The following CCDC30 variants were observed in gnomAD, a reference collection of about 807,000 sequenced individuals.
CCDC30 encodes the protein coiled-coil domain containing 30.
Under a neutral mutation model 100.2 loss-of-function variants are expected in CCDC30, and 70 were observed. That is an observed-to-expected ratio of 0.70 (90% CI 0.58 to 0.85). The LOEUF (loss-of-function observed/expected upper bound fraction) is 0.85. Among genes scored for constraint, CCDC30 ranks in the 40% least tolerant of loss-of-function variants. The pLI is 0.00. For missense variants in CCDC30, 652 were observed against 771.2 expected, an observed-to-expected ratio of 0.85 and a Z score of 1.83; for synonymous variants, 233 against 269.5, an observed-to-expected ratio of 0.86 and a Z score of 1.33.
intron 6 of CCDC30, among the ~76,000 whole-genome samples, chr1:42,554,981 C>T (rs181336359): frequency 6.6e-6 from 1 of 152,254 alleles, no homozygotes; most frequent in Admixed American, 6.5e-5. Context: ...ACATGTTGGT[C>T]TACCATCCAC....
chr1:42,603,835 A>G (rs766510562), intron 10 of CCDC30, among the ~76,000 whole-genome samples: 1 of 152,246 alleles, frequency 6.6e-6, no homozygotes. Context: ...ACAGATGTTT[A>G]TAGCATCTTT....
chr1:42,581,215 A>T (rs1645958980), intron 8 of CCDC30, 145 bp from the exon 13 acceptor site: 9 of 638,402 alleles, frequency 1.4e-5, no homozygotes, highest in Non-Finnish European at 2.5e-5. Context: ...AATTTATTTT[A>T]AAATTAAATC....
At chr1:42,630,662 G>A (rs185071617) in intron 11 of CCDC30, among the ~76,000 whole-genome samples, 363 of 152,180 alleles carry the variant, frequency 2.4e-3, no homozygotes, top group Non-Finnish European at 3.7e-3. Flanking sequence ...GATTACAGGC[G>A]TGAGCCACCG....
At chr1:42,574,933 G>A (rs1208370942) in intron 7 of CCDC30, among the ~76,000 whole-genome samples, 6 of 152,070 alleles carry the variant, frequency 3.9e-5, no homozygotes, top group Admixed American at 3.9e-4. Flanking sequence ...CTCTATTCTT[G>A]AGGCTTTAAT....
At chr1:42,630,882 T>C (rs1218500454) in intron 11 of CCDC30, among the ~76,000 whole-genome samples, 1 of 152,196 alleles carries the variant, frequency 6.6e-6, no homozygotes, top group Non-Finnish European at 1.5e-5. Context: ...GTATTATCTT[T>C]AATTTCTTTG....
intron 11 of CCDC30, among the ~76,000 whole-genome samples, chr1:42,622,655 T>C (rs1183187338): frequency 6.6e-6 from 1 of 152,120 alleles, no homozygotes. Flanking sequence ...TTCTTTGTAT[T>C]TTTAGTAGAA....
At chr1:42,595,595 AT>A (rs1485251405) in intron 10 of CCDC30, 1 of 152,148 alleles carries the variant, frequency 6.6e-6, no homozygotes, top group Non-Finnish European at 1.5e-5. Context: ...GCAAATCCAT[AT>A]TTATAATAAG....
At chr1:42,564,125 A>G (rs990918338) in intron 6 of CCDC30, among the ~76,000 whole-genome samples, 6 of 152,190 alleles carry the variant, frequency 3.9e-5, no homozygotes, top group Non-Finnish European at 8.8e-5. Flanking sequence ...ATACTGGACC[A>G]GGACTAAGGA....
intron 6 of CCDC30, among the ~76,000 whole-genome samples, chr1:42,535,728 A>ATATATATATAATATATATAT (rs1177599266): frequency 9.1e-6 from 1 of 109,528 alleles, no homozygotes; most frequent in Non-Finnish European, 1.8e-5. Flanking sequence ...TAAATTTTAA[A>ATATATATATAATATATATAT]AAATTAAAAA....
chr1:42,540,314 T>C (rs1180225931), intron 6 of CCDC30, among the ~76,000 whole-genome samples: 1 of 152,168 alleles, frequency 6.6e-6, no homozygotes, highest in Non-Finnish European at 1.5e-5. Flanking sequence ...AGAGTAGCTA[T>C]GTAGAGCATA....
chr1:42,618,075 C>T (rs1646758779), intron 11 of CCDC30, among the ~76,000 whole-genome samples: 1 of 151,972 alleles, frequency 6.6e-6, no homozygotes, highest in Admixed American at 6.6e-5. Flanking sequence ...ATAATTTTTG[C>T]AAAAACAGTT....
chr1:42,621,729 TCGCGATC>T (rs1346985805), intron 11 of CCDC30, among the ~76,000 whole-genome samples: 1 of 152,100 alleles, frequency 6.6e-6, no homozygotes, highest in Non-Finnish European at 1.5e-5. Flanking sequence ...GCCAGGATGG[TCGCGATC>T]TCCTGACCTT....
chr1:42,530,726 G>T (rs953260789), intron 6 of CCDC30, among the ~76,000 whole-genome samples: 4 of 152,158 alleles, frequency 2.6e-5, no homozygotes, highest in African/African-American at 9.7e-5. Context: ...ATCTAGAGAT[G>T]ATTTAAAATA....
chr1:42,469,754 G>A lies in CCDC30; in HGVS notation c.-92+5856G>A, dbSNP rs151102315. On this transcript the variant is annotated intron_variant, in intron 1 of 16. Transcript: ENST00000668663. ...AAGGTTGGTATGTTGATGAGGAGAAGCAACTGACTGTTTTATGATGACCTT... is the reference window on the plus strand; with the variant it reads ...AAGGTTGGTATGTTGATGAGGAGAAACAACTGACTGTTTTATGATGACCTT... 2.3e-3 allele frequency among the ~76,000 whole-genome samples: 345 copies of A among 152,216 alleles called. 2 individuals are homozygous for A. The highest frequency in any genetic ancestry group is 8.0e-3 in the African/African-American group (332 of 41,524).
intron 9 of CCDC30, among the ~76,000 whole-genome samples, chr1:42,583,602 T>G (rs1287160230): frequency 6.6e-6 from 1 of 152,224 alleles, no homozygotes; most frequent in Non-Finnish European, 1.5e-5. Flanking sequence ...TTGTTGAACA[T>G]TTAGATTTTT....
At chr1:42,476,907 T>G (rs1643889495) in intron 1 of CCDC30, among the ~76,000 whole-genome samples, 1 of 147,618 alleles carries the variant, frequency 6.8e-6, no homozygotes, top group African/African-American at 2.5e-5. Flanking sequence ...TTTTTTTTTT[T>G]GCCTAGGTGT....
chr1:42,607,279 T>C (rs543088987), intron 10 of CCDC30, among the ~76,000 whole-genome samples: 2 of 151,924 alleles, frequency 1.3e-5, no homozygotes, highest in South Asian at 4.2e-4. Context: ...CAGCAAAAGA[T>C]GGTTTGTTAA....
intron 6 of CCDC30, among the ~76,000 whole-genome samples, chr1:42,512,403 C>T (rs1158147444): frequency 2.6e-5 from 4 of 152,178 alleles, no homozygotes; most frequent in Admixed American, 2.0e-4. Context: ...CTGGAAATGC[C>T]ATGTGCTCTC....
chr1:42,530,290 A>G (rs999985753), intron 6 of CCDC30, among the ~76,000 whole-genome samples: 4 of 152,232 alleles, frequency 2.6e-5, no homozygotes, highest in African/African-American at 4.8e-5. Flanking sequence ...AGATATTTAG[A>G]GAGAGACCAC....
Sources: allele counts gnomAD v4.1 joint callset (sites outside exome capture counted in the v4.1 genomes callset), GRCh38; gene constraint gnomAD v4.1.1; transcripts MANE v1.5; gene names NCBI Gene and HGNC (gene_info 2026-07-23, HGNC 2026-07-21).